The following TCFL5 variants were observed in gnomAD, a reference collection of about 807,000 sequenced individuals.
The protein encoded by TCFL5 is transcription factor like 5.
Under a neutral mutation model 44.3 loss-of-function variants are expected in TCFL5, and 9 were observed. That is an observed-to-expected ratio of 0.20 (90% CI 0.12 to 0.35). TCFL5 has a LOEUF of 0.35. TCFL5 is among the 10% of genes least tolerant of loss of function. The pLI is 1.00. For synonymous variants in TCFL5, 319 were observed against 271.6 expected (o/e 1.17, Z -1.72); for missense variants, 603 against 613.4 (o/e 0.98, Z 0.18).
At position 62,846,107 on chromosome 20, in the gene TCFL5, G is replaced by A. The variant is rs185728529; in HGVS notation, c.1381-4010C>T. Reference sequence around the variant, plus strand: ...CCATAACATGACGTATCTGGAGTTTGTGCTTAGAACCTTAAATTGGAAGCA... The same window carrying A: ...CCATAACATGACGTATCTGGAGTTTATGCTTAGAACCTTAAATTGGAAGCA... On this transcript the variant is annotated intron_variant, in intron 5 of 5. Coordinates refer to ENST00000335351, the MANE Select transcript of TCFL5 (RefSeq NM_006602.4). 1.0e-4 allele frequency: 133 copies of A among 1,310,238 alleles called. No homozygotes were observed. The African/African-American group carries it at 1.8e-3, about 18-fold the overall frequency. 81.2% of individuals were successfully genotyped at this position (1,310,238 alleles called of 1,614,324 possible).
rs1185026229 is a variant in TCFL5 at position 62,842,354 on chromosome 20, CTG to C, written c.1381-259_1381-258del. ...CCAATACTCAGAATGTCTGGCCACA[CTG>C]TATTGATTTTATTGTGGTAAAATAT... On this transcript the variant is annotated intron_variant, in intron 5 of 5. Coordinates refer to ENST00000335351, the MANE Select transcript of TCFL5 (RefSeq NM_006602.4). The surrounding 1 kb of genome is among the most constrained non-coding windows in gnomAD (Gnocchi z 4.3). Among the ~76,000 whole-genome samples the C allele has an allele frequency of 1.3e-5, 2 of 152,088 alleles. No homozygotes were observed. The highest frequency in any genetic ancestry group is 1.5e-5 in the Non-Finnish European group (1 of 68,024).
At chr20:62,846,645 G>C (rs6122320) in intron 5 of TCFL5, among the ~76,000 whole-genome samples, 2 of 151,718 alleles carry the variant, frequency 1.3e-5, no homozygotes, top group Non-Finnish European at 2.9e-5. Flanking sequence ...GGGCGCCTAC[G>C]GTCCTAGCTA....
intron 4 of TCFL5, among the ~76,000 whole-genome samples, chr20:62,856,531 C>T (rs969977693): frequency 2.0e-5 from 3 of 151,470 alleles, no homozygotes; most frequent in Admixed American, 2.0e-4. Context: ...GCTGAAACCC[C>T]GTCTCTACTA....
intron 5 of TCFL5, among the ~76,000 whole-genome samples, chr20:62,853,626 C>A (rs191233406): frequency 6.6e-6 from 1 of 152,346 alleles, no homozygotes; most frequent in African/African-American, 2.4e-5. Flanking sequence ...GCTGGGATTA[C>A]AGACGTGAAC....
At chr20:62,844,425 C>CT (rs571497409) in intron 5 of TCFL5, among the ~76,000 whole-genome samples, 36 of 151,572 alleles carry the variant, frequency 2.4e-4, no homozygotes, top group African/African-American at 7.3e-4. Flanking sequence ...GTTGTGCTGT[C>CT]TTTTTTTTGG....
chr20:62,842,129 A>C lies in TCFL5; in HGVS notation c.1381-32T>G, dbSNP rs2063686218. 1 of 1,612,444 alleles carries C rather than the reference A, an allele frequency of 6.2e-7. No individual in the cohort carries two copies. Among genetic ancestry groups the C allele is most frequent in the Non-Finnish European group, 8.5e-7 (1 of 1,179,150 alleles). ...TGAAGAAGTGACGGTTAACATACTG[A>C]ATTAACTGACATGAAAACTGCTGTC... is the stretch of plus-strand genomic sequence containing the variant. On this transcript the variant is annotated intron_variant, in intron 5 of 5. Transcript: ENST00000335351. This position sits in a 1 kb window ranked among gnomAD's most constrained non-coding sequence, Gnocchi z 4.3.
intron 5 of TCFL5, among the ~76,000 whole-genome samples, chr20:62,849,832 G>C (rs2063785586): frequency 6.6e-6 from 1 of 152,108 alleles, no homozygotes; most frequent in Non-Finnish European, 1.5e-5. Context: ...GCACACACCT[G>C]AAGTCCTAGC....
At chr20:62,847,236 T>C (rs527408413) in intron 5 of TCFL5, among the ~76,000 whole-genome samples, 1 of 151,384 alleles carries the variant, frequency 6.6e-6, no homozygotes, top group African/African-American at 2.4e-5. Context: ...AATGAAAGCA[T>C]TGTGTCCTAA....
chr20:62,845,997 G>C (rs1303081035), intron 5 of TCFL5: 2 of 1,401,850 alleles, frequency 1.4e-6, no homozygotes, highest in Non-Finnish European at 1.9e-6. Flanking sequence ...GCTTCGTGGA[G>C]ACACAGCCAT....
At chr20:62,854,193 C>A (rs369766228) in intron 4 of TCFL5, 36 bp from the exon 5 acceptor site, 74 of 1,608,882 alleles carry the variant, frequency 4.6e-5, no homozygotes, top group Middle Eastern at 1.6e-4. Context: ...CCGAGAGAGA[C>A]CGGAGCAAAA....
chr20:62,844,821 C>G, intron 5 of TCFL5: 1 of 949,756 alleles, frequency 1.1e-6, no homozygotes, highest in East Asian at 1.2e-4. Context: ...GTCTCAAACT[C>G]CTGACCTCAG....
chr20:62,860,506 C>T (rs2063978612), intron 1 of TCFL5, among the ~76,000 whole-genome samples, 198 bp from the exon 2 acceptor site: 1 of 152,224 alleles, frequency 6.6e-6, no homozygotes. Context: ...AACTGCGCCA[C>T]CTCCCTGCTC....
Position 62,861,212 on chromosome 20 carries a change from C to A in TCFL5, c.459G>T (p.Arg153=). ...CGCCCTCCTTGGCGGCGCCGTCGGC[C>A]CGGGCCCTCGCTCCGTCCCCGCCGC... ...TSGGGDGARA[R]ADGAAKEGAG... Residue 153 remains arginine (R), a synonymous_variant, in exon 1 of 6, where the codon CGG becomes CGT. Coordinates refer to ENST00000335351, the MANE Select transcript of TCFL5 (RefSeq NM_006602.4). This position sits in a 1 kb window ranked among gnomAD's most constrained non-coding sequence, Gnocchi z 4.0. 2 of 1,114,066 alleles carry A rather than the reference C, an allele frequency of 1.8e-6. No individual in the cohort carries two copies. Among genetic ancestry groups the A allele is most frequent in the South Asian group, 2.3e-5 (1 of 43,582 alleles). 69.0% of individuals were successfully genotyped at this position (1,114,066 alleles called of 1,614,324 possible).
chr20:62,843,150 G>A (rs962734294), intron 5 of TCFL5, among the ~76,000 whole-genome samples: 2 of 152,216 alleles, frequency 1.3e-5, no homozygotes, highest in Non-Finnish European at 2.9e-5. Context: ...GAACGGTGAG[G>A]AAGAAAGGAA....
chr20:62,852,052 C>T (rs1446629292), intron 5 of TCFL5: 40 of 982,808 alleles, frequency 4.1e-5, no homozygotes, highest in African/African-American at 3.5e-5. Context: ...ATGATCCACC[C>T]GCCTCGGCCT....
intron 5 of TCFL5, chr20:62,852,848 A>T (rs544528342): frequency 7.8e-7 from 1 of 1,288,052 alleles, no homozygotes. Flanking sequence ...CCAGTCCACA[A>T]AAGTATGTTC....
chr20:62,857,682 A>C (rs1207601058), intron 3 of TCFL5, 44 bp from the exon 4 acceptor site: 1 of 1,595,214 alleles, frequency 6.3e-7, no homozygotes, highest in Non-Finnish European at 8.5e-7. Flanking sequence ...TTGTATTCTT[A>C]TCTCAATTAA....
intron 2 of TCFL5, 117 bp downstream of exon 2, chr20:62,860,008 T>A: frequency 4.6e-6 from 5 of 1,085,680 alleles, no homozygotes; most frequent in Non-Finnish European, 6.6e-6. Context: ...GGCGCCCGGC[T>A]TAAAAGGTTA....
rs913614181 is a variant in TCFL5 at position 62,844,922 on chromosome 20, T to C, written c.1381-2825A>G. On this transcript the variant is annotated intron_variant, in intron 5 of 5. Coordinates refer to ENST00000335351, the MANE Select transcript of TCFL5 (RefSeq NM_006602.4). ...GTGTAGTCTTTTTGTTGCTGAGTTG[T>C]AGTAACTTTCTACTTAATTCAAGTC... The C allele has an allele frequency of 1.7e-5, 17 of 984,892 alleles. No homozygotes were observed. In the Admixed American group the frequency reaches 1.8e-4, roughly 11 times the overall value. 61.0% of individuals were successfully genotyped at this position (984,892 alleles called of 1,614,324 possible).
Sources: gnomAD v4.1 joint callset for allele counts (sites outside exome capture counted in the v4.1 genomes callset) on GRCh38, gnomAD v4.1.1 for gene constraint, Gnocchi (gnomAD v3.1) non-coding constraint, MANE v1.5 for transcripts, NCBI Gene and HGNC (gene_info 2026-07-23, HGNC 2026-07-21) for gene names.